Variants in SNX29 observed in about 807,000 individuals in gnomAD.
SNX29 encodes the protein sorting nexin-29.
Under a neutral mutation model 102.1 loss-of-function variants are expected in SNX29, and 78 were observed. The observed-to-expected ratio is 0.76, with a 90% CI of 0.64 to 0.92. The LOEUF (loss-of-function observed/expected upper bound fraction) is 0.92. Among genes scored for constraint, SNX29 ranks in the 40% least tolerant of loss-of-function variants. The probability of loss-of-function intolerance (pLI) is 0.00; values close to 1 mark genes in which losing one functional copy is unlikely to be tolerated. For synonymous variants in SNX29, 580 were observed against 414.5 expected (o/e 1.40, Z -4.85); for missense variants, 1,280 against 1,061.7 (o/e 1.21, Z -2.86).
At chr16:12,483,039 T>C (rs757352098) in intron 19 of SNX29, among the ~76,000 whole-genome samples, 1 of 150,650 alleles carries the variant, frequency 6.6e-6, no homozygotes, top group Admixed American at 6.6e-5. Flanking sequence ...GGCCTGAATA[T>C]CAGTTCACCA....
Position 12,122,818 on chromosome 16 carries a change from T to C in SNX29, c.1403-3815T>C, listed in dbSNP as rs142632115. On this transcript the variant is annotated intron_variant, in intron 11 of 20. Transcript: ENST00000566228. ...TTTTCATTGCCTATCATCTCTGTTA[T>C]TAATAATTTAAAAAAAATTTTTTTT... Among the ~76,000 whole-genome samples, 7 of 152,166 alleles carry C rather than the reference T, an allele frequency of 4.6e-5. No homozygotes were observed. In the East Asian group the frequency reaches 1.4e-3, roughly 29 times the overall value.
At chr16:12,551,603 C>A (rs531335130) in intron 20 of SNX29, among the ~76,000 whole-genome samples, 5 of 152,180 alleles carry the variant, frequency 3.3e-5, no homozygotes, top group Admixed American at 6.5e-5. Context: ...TCTGGTGTTA[C>A]AATTAGATCT....
intron 14 of SNX29, among the ~76,000 whole-genome samples, chr16:12,207,365 T>A (rs1276097113): frequency 6.6e-6 from 1 of 151,978 alleles, no homozygotes; most frequent in Non-Finnish European, 1.5e-5. Flanking sequence ...TGAAACTTTG[T>A]CAAAAAATAA....
chr16:12,466,002 A>G (rs1309442302), intron 18 of SNX29, among the ~76,000 whole-genome samples: 1 of 152,206 alleles, frequency 6.6e-6, no homozygotes, highest in African/African-American at 2.4e-5. Context: ...ACCTCAGCAT[A>G]AGAAAACTGT....
At chr16:12,423,870 C>A (rs1439687713) in intron 18 of SNX29, among the ~76,000 whole-genome samples, 1 of 152,210 alleles carries the variant, frequency 6.6e-6, no homozygotes, top group Admixed American at 6.5e-5. Context: ...CCGTGCCCAG[C>A]CTACAAGTTT....
chr16:12,043,993 A>G (rs2049989250), intron 5 of SNX29, among the ~76,000 whole-genome samples: 1 of 152,190 alleles, frequency 6.6e-6, no homozygotes, highest in South Asian at 2.1e-4. Flanking sequence ...ACCTCAGGTG[A>G]TCTGCCCGCC....
chr16:12,356,536 C>G (rs1218444269), intron 16 of SNX29, among the ~76,000 whole-genome samples: 4 of 152,190 alleles, frequency 2.6e-5, no homozygotes, highest in Non-Finnish European at 5.9e-5. Flanking sequence ...GTCCCCTCCC[C>G]CCGCAAACCC....
chr16:12,462,299 T>G (rs1450230123), intron 18 of SNX29, among the ~76,000 whole-genome samples: 2 of 152,024 alleles, frequency 1.3e-5, no homozygotes, highest in African/African-American at 4.8e-5. Flanking sequence ...GCCTTTCATT[T>G]TGGGATGTGA....
Position 12,570,279 on chromosome 16 carries a change from A to C in SNX29, c.*1650A>C, listed in dbSNP as rs1008241868. 17 of 1,064,508 alleles carry C rather than the reference A, an allele frequency of 1.6e-5. No homozygotes were observed. The highest frequency in any genetic ancestry group is 1.3e-4 in the African/African-American group (8 of 61,040). The allele number at this position is 1,064,508 out of a possible 1,614,324, so 65.9% of individuals were successfully genotyped here. On this transcript the variant is annotated 3_prime_UTR_variant, in exon 21 of 21. Transcript: ENST00000566228. Reference sequence around the variant, plus strand: ...GCATGTATGGAGGTGCGGACCCTGCAGTCAGTTTGCGAGTGTGGAGGACCC... The same window carrying C: ...GCATGTATGGAGGTGCGGACCCTGCCGTCAGTTTGCGAGTGTGGAGGACCC...
chr16:12,221,781 G>A (rs2077485170), intron 14 of SNX29, among the ~76,000 whole-genome samples: 1 of 152,176 alleles, frequency 6.6e-6, no homozygotes, highest in African/African-American at 2.4e-5. Context: ...TGCATGCGTT[G>A]GTCCTGTCTG....
At chr16:12,279,883 G>A (rs566839533) in intron 15 of SNX29, among the ~76,000 whole-genome samples, 15 of 152,316 alleles carry the variant, frequency 9.8e-5, no homozygotes, top group Non-Finnish European at 1.8e-4. Context: ...CTGTTCCTCT[G>A]GGGGAACAAG....
Position 12,573,553 on chromosome 16 carries a change from C to G in SNX29, c.*4924C>G, listed in dbSNP as rs1203143347. Reference sequence around the variant, plus strand: ...ACTGGTGCGTAAGTGTTTTCCCATCCTAACCGGAAAACCACTCACCCAGGC... The same window carrying G: ...ACTGGTGCGTAAGTGTTTTCCCATCGTAACCGGAAAACCACTCACCCAGGC... On this transcript the variant is annotated 3_prime_UTR_variant, in exon 21 of 21. Transcript: ENST00000566228. 4.5e-6 allele frequency: 1 copy of G among 223,464 alleles called. No individual in the cohort carries two copies. The highest frequency in any genetic ancestry group is 8.9e-6 in the Non-Finnish European group (1 of 112,024). The allele number at this position is 223,464 out of a possible 1,614,324, so 13.8% of individuals were successfully genotyped here.
intron 19 of SNX29, among the ~76,000 whole-genome samples, chr16:12,519,923 T>G (rs1010962096): frequency 2.0e-5 from 3 of 151,814 alleles, no homozygotes; most frequent in Non-Finnish European, 2.9e-5. Flanking sequence ...CAGGAGAATC[T>G]CTTGAACCAG....
chr16:12,135,451 T>A (rs2054624901), intron 13 of SNX29: 1 of 1,229,252 alleles, frequency 8.1e-7, no homozygotes, highest in Admixed American at 2.3e-5. Context: ...CCATGAGGGC[T>A]TTACAGGAGG....
intron 15 of SNX29, among the ~76,000 whole-genome samples, chr16:12,285,928 T>A (rs2079580311): frequency 6.6e-6 from 1 of 152,188 alleles, no homozygotes; most frequent in Non-Finnish European, 1.5e-5. Context: ...CGATCTCAGC[T>A]CACTACAACC....
rs116980490 is a variant in SNX29 at position 12,342,843 on chromosome 16, G to T, written c.1783-13320G>T. Among the ~76,000 whole-genome samples the T allele has an allele frequency of 1.4e-4, 21 of 152,310 alleles. No individual in the cohort carries two copies. In the East Asian group the frequency reaches 4.1e-3, roughly 29 times the overall value. On this transcript the variant is annotated intron_variant, in intron 15 of 20. Transcript: ENST00000566228. The stretch of plus-strand genomic sequence containing the variant: ...CAGTGCTCGCTCACATTTGAGCACA[G>T]TCTTCCCTCTGTCCAGGTGCTGGTG...
intron 18 of SNX29, among the ~76,000 whole-genome samples, chr16:12,438,670 G>C (rs1001256196): frequency 3.9e-5 from 6 of 152,238 alleles, no homozygotes; most frequent in Non-Finnish European, 8.8e-5. Context: ...TCAGAGGTAA[G>C]AGCTTGTTGT....
intron 18 of SNX29, among the ~76,000 whole-genome samples, chr16:12,424,325 A>G (rs974929452): frequency 6.6e-6 from 1 of 152,196 alleles, no homozygotes; most frequent in Non-Finnish European, 1.5e-5. Context: ...TTTTCCTTGC[A>G]TAAGAGTTTT....
chr16:12,564,804 T>C (rs2078923872), intron 20 of SNX29, among the ~76,000 whole-genome samples: 1 of 151,746 alleles, frequency 6.6e-6, no homozygotes, highest in South Asian at 2.1e-4. Flanking sequence ...GGTGTTGTCA[T>C]TCCAGAAGTC....
Sources: allele counts gnomAD v4.1 joint callset (sites outside exome capture counted in the v4.1 genomes callset), GRCh38; gene constraint gnomAD v4.1.1; transcripts MANE v1.5; gene names NCBI Gene and HGNC (gene_info 2026-07-23, HGNC 2026-07-21).